PPM1L: variants seen among roughly 807,000 people sequenced by gnomAD.
PPM1L encodes the protein protein phosphatase, Mg2+/Mn2+ dependent 1L.
A neutral mutation model predicts 31.4 loss-of-function variants in PPM1L; 13 were observed. The ratio of observed to expected loss-of-function variants is 0.41; its 90% CI spans 0.27 to 0.66. The LOEUF (loss-of-function observed/expected upper bound fraction) is 0.66, where lower values mean the gene tolerates loss of function less well. Ranked by LOEUF, PPM1L falls within the 30% of genes least tolerant of loss-of-function variation. PPM1L has a pLI of 0.29. For synonymous variants in PPM1L, 184 were observed against 175.4 expected (o/e 1.05, Z -0.39); for missense variants, 326 against 453.7 (o/e 0.72, Z 2.56).
intron 1 of PPM1L, among the ~76,000 whole-genome samples, chr3:160,840,831 G>A (rs1406116788): frequency 6.6e-6 from 1 of 152,010 alleles, no homozygotes; most frequent in Non-Finnish European, 1.5e-5. Context: ...GAGAGAGAAA[G>A]AGAAAGAACA....
intron 2 of PPM1L, among the ~76,000 whole-genome samples, chr3:161,055,261 A>G (rs977140946): frequency 6.6e-6 from 1 of 152,178 alleles, no homozygotes; most frequent in Non-Finnish European, 1.5e-5. Context: ...ACCTCTAGGC[A>G]GGTCAGATTT....
intron 2 of PPM1L, among the ~76,000 whole-genome samples, chr3:161,045,703 T>G (rs1000538099): frequency 2.6e-5 from 4 of 152,046 alleles, no homozygotes; most frequent in Non-Finnish European, 4.4e-5. Context: ...AACATTACAA[T>G]TAAAGGTACT....
At chr3:160,805,672 A>G (rs1712577383) in intron 1 of PPM1L, among the ~76,000 whole-genome samples, 1 of 152,192 alleles carries the variant, frequency 6.6e-6, no homozygotes. Context: ...CAGTGAGCCG[A>G]GATCATGCCG....
chr3:160,913,311 A>G (rs1053062272), intron 1 of PPM1L, among the ~76,000 whole-genome samples: 7 of 152,194 alleles, frequency 4.6e-5, no homozygotes, highest in African/African-American at 1.7e-4. Context: ...CTTGGTGTAG[A>G]CAGTGAACCC....
intron 1 of PPM1L, among the ~76,000 whole-genome samples, chr3:160,882,673 G>A (rs1253418233): frequency 1.3e-5 from 2 of 151,996 alleles, no homozygotes; most frequent in East Asian, 3.9e-4. Context: ...TCTCTTTTTG[G>A]GAACACAGAT....
intron 2 of PPM1L, among the ~76,000 whole-genome samples, chr3:161,021,935 A>G (rs897952910): frequency 2.0e-5 from 3 of 152,102 alleles, no homozygotes; most frequent in African/African-American, 4.8e-5. Flanking sequence ...GTTGGATAAG[A>G]TTTAAAAATC....
intron 1 of PPM1L, among the ~76,000 whole-genome samples, chr3:160,922,972 T>C (rs1004010652): frequency 2.6e-5 from 4 of 152,330 alleles, no homozygotes; most frequent in African/African-American, 7.2e-5. Flanking sequence ...TGCCAACGAA[T>C]AAACTACTAA....
At chr3:161,034,413 T>C (rs1306694755) in intron 2 of PPM1L, among the ~76,000 whole-genome samples, 1 of 152,184 alleles carries the variant, frequency 6.6e-6, no homozygotes, top group Non-Finnish European at 1.5e-5. Context: ...TGTGGCACTG[T>C]TCACAATAGC....
chr3:160,860,939 A>G (rs922619541), intron 1 of PPM1L, among the ~76,000 whole-genome samples: 1 of 152,196 alleles, frequency 6.6e-6, no homozygotes, highest in Admixed American at 6.5e-5. Context: ...TCCAAATATC[A>G]TCACATTAGG....
rs966956363 is a variant in PPM1L, at chr3:160,953,188, T to A, written c.400-8548T>A. Among the ~76,000 whole-genome samples, 5 of 152,212 alleles carry A rather than the reference T, an allele frequency of 3.3e-5. No individual in the cohort carries two copies. The East Asian group carries it at 5.8e-4, about 18-fold the overall frequency. ...TTTACAACATACTTCATTACAAAGTTAATGATAAATCCATTTCTTGGTTTA... is the reference window on the plus strand; with the variant it reads ...TTTACAACATACTTCATTACAAAGTAAATGATAAATCCATTTCTTGGTTTA... On this transcript the variant is annotated intron_variant, in intron 1 of 3. Transcript: ENST00000498165.
At chr3:160,879,481 A>G (rs1345188790) in intron 1 of PPM1L, among the ~76,000 whole-genome samples, 1 of 152,070 alleles carries the variant, frequency 6.6e-6, no homozygotes, top group Non-Finnish European at 1.5e-5. Flanking sequence ...AATGCTCATT[A>G]TGTTTTCTTT....
At chr3:160,825,778 T>G (rs1713340353) in intron 1 of PPM1L, among the ~76,000 whole-genome samples, 1 of 152,136 alleles carries the variant, frequency 6.6e-6, no homozygotes, top group Non-Finnish European at 1.5e-5. Flanking sequence ...CAACAAGAGA[T>G]AAATGCACAA....
intron 2 of PPM1L, among the ~76,000 whole-genome samples, chr3:161,002,160 C>T (rs1330485472): frequency 1.3e-5 from 2 of 152,154 alleles, no homozygotes; most frequent in Admixed American, 6.5e-5. Flanking sequence ...CTACAAACGA[C>T]GTGAACTCAT....
chr3:160,949,766 T>A (rs1424193157), intron 1 of PPM1L, among the ~76,000 whole-genome samples: 1 of 152,196 alleles, frequency 6.6e-6, no homozygotes, highest in South Asian at 2.1e-4. Flanking sequence ...AGAGACACTT[T>A]GAAGTGGTTG....
chr3:160,945,351 A>G (rs972540163), intron 1 of PPM1L, among the ~76,000 whole-genome samples: 12 of 151,906 alleles, frequency 7.9e-5, no homozygotes, highest in African/African-American at 2.9e-4. Context: ...TTCCAGCAAA[A>G]CTTTATAAAG....
intron 1 of PPM1L, among the ~76,000 whole-genome samples, chr3:160,783,255 A>G (rs1467720845): frequency 1.3e-5 from 2 of 152,230 alleles, no homozygotes; most frequent in African/African-American, 4.8e-5. Flanking sequence ...CACATTAAAA[A>G]AAATGATTCT....
rs879571483 is a variant in PPM1L, at chr3:160,841,098, G to C, written c.399+84391G>C. ...CCAGTGTGGACCCAAGGCAGAAATGGAATTTAGTAATCTGGGGTTGGGAAT... is the reference window on the plus strand; with the variant it reads ...CCAGTGTGGACCCAAGGCAGAAATGCAATTTAGTAATCTGGGGTTGGGAAT... On this transcript the variant is annotated intron_variant, in intron 1 of 3. Coordinates refer to ENST00000498165, the MANE Select transcript of PPM1L (RefSeq NM_139245.4). Among the ~76,000 whole-genome samples, 40 of 152,180 alleles carry C rather than the reference G, an allele frequency of 2.6e-4. 1 individual carries two copies. The highest frequency in any genetic ancestry group is 7.2e-4 in the Admixed American group (11 of 15,276).
chr3:160,940,251 A>G (rs1715118832), intron 1 of PPM1L, among the ~76,000 whole-genome samples: 1 of 152,188 alleles, frequency 6.6e-6, no homozygotes, highest in East Asian at 1.9e-4. Context: ...AAGCATTTGG[A>G]AAATTTGGAG....
chr3:161,047,334 C>T (rs887566664), intron 2 of PPM1L, among the ~76,000 whole-genome samples: 2 of 152,208 alleles, frequency 1.3e-5, no homozygotes, highest in African/African-American at 4.8e-5. Context: ...CTCCCATTCA[C>T]AATTGCTTCA....
Sources: gnomAD v4.1 joint callset for allele counts (sites outside exome capture counted in the v4.1 genomes callset) on GRCh38, gnomAD v4.1.1 for gene constraint, MANE v1.5 for transcripts, NCBI Gene and HGNC (gene_info 2026-07-23, HGNC 2026-07-21) for gene names.